Variants in C3orf49 observed in about 807,000 individuals in gnomAD.
C3orf49 encodes putative uncharacterized protein C3orf49.
A neutral mutation model predicts 13.3 loss-of-function variants in C3orf49; 27 were observed. The observed-to-expected ratio is 2.02, with a 90% CI of 1.49 to 2.79. The LOEUF is 2.79. Ranked by LOEUF, C3orf49 falls within the 30% of genes most tolerant of loss-of-function variation. The pLI is 0.00. For missense variants in C3orf49, 242 were observed against 134.2 expected (o/e 1.80, Z -3.97); for synonymous variants, 87 against 47.6 (o/e 1.83, Z -3.40).
At chr3:63,835,486 A>C (rs1288031658) in intron 5 of C3orf49, 1 of 1,122,920 alleles carries the variant, frequency 8.9e-7, no homozygotes, top group Non-Finnish European at 1.3e-6. Context: ...GATTTTTAAA[A>C]TAAAAAAAGG....
chr3:63,831,822 T>A lies in C3orf49; in HGVS notation c.827T>A (p.Met276Lys), dbSNP rs964761583. 1.4e-6 allele frequency: 1 copy of A among 698,100 alleles called. No individual in the cohort carries two copies. Among genetic ancestry groups the A allele is most frequent in the Non-Finnish European group, 2.6e-6 (1 of 383,878 alleles). 43.2% of individuals were successfully genotyped at this position (698,100 alleles called of 1,614,324 possible). A position where few individuals can be genotyped will look rare whatever the true frequency, so the allele number is the denominator to read the frequency against. The part of the protein sequence containing the change: ...KQFQRISKRT[M>K]RKYKLKNMTT... ...TTCCAGAGGATATCCAAGAGAACCATGAGGAAGTATAAATTAAAAAATGTG... is the reference window on the plus strand; with the variant it reads ...TTCCAGAGGATATCCAAGAGAACCAAGAGGAAGTATAAATTAAAAAATGTG... The change falls in exon 5 of 7, where the codon ATG becomes AAG. Residue 276 changes from methionine to lysine, a missense_variant. Transcript: ENST00000295896.
At chr3:63,781,713 G>C in the C3orf49 span, among the ~76,000 whole-genome samples, 1 of 152,140 alleles carries the variant, frequency 6.6e-6, no homozygotes, top group Non-Finnish European at 1.5e-5. Flanking sequence ...TACACCTTAT[G>C]GTGGCAGAAG....
At chr3:63,826,690 T>C (rs1701467622) in intron 2 of C3orf49, 1 of 152,192 alleles carries the variant, frequency 6.6e-6, no homozygotes, top group African/African-American at 2.4e-5. Flanking sequence ...TGATTTTAGG[T>C]GTGCACACTG....
the C3orf49 span, among the ~76,000 whole-genome samples, chr3:63,785,777 G>A: frequency 6.6e-6 from 1 of 151,960 alleles, no homozygotes; most frequent in East Asian, 1.9e-4. Context: ...GCAGAGAGGA[G>A]CCCCAACAGC....
chr3:63,836,374 ATATT>A, intron 5 of C3orf49: 1 of 1,610,512 alleles, frequency 6.2e-7, no homozygotes, highest in Non-Finnish European at 8.5e-7. Flanking sequence ...AGACATAAAA[ATATT>A]TATCAAACTA....
At chr3:63,832,597 G>T (rs909237295) in intron 5 of C3orf49, among the ~76,000 whole-genome samples, 2 of 152,086 alleles carry the variant, frequency 1.3e-5, no homozygotes, top group Non-Finnish European at 1.5e-5. Context: ...GGGAGGTCAA[G>T]GCTACAGTGA....
the C3orf49 span, among the ~76,000 whole-genome samples, chr3:63,801,486 CAAAT>C: frequency 1.6e-3 from 243 of 152,126 alleles, 1 homozygote; most frequent in Non-Finnish European, 2.8e-3. Context: ...AATAATCACA[CAAAT>C]AAGATAATTT....
chr3:63,812,535 T>C, the C3orf49 span, among the ~76,000 whole-genome samples: 2 of 152,206 alleles, frequency 1.3e-5, no homozygotes, highest in Non-Finnish European at 2.9e-5. Context: ...TTTCTTACAT[T>C]TCATTAGATC....
upstream of C3orf49, among the ~76,000 whole-genome samples, chr3:63,818,163 T>C (rs1262174806): frequency 2.0e-5 from 3 of 152,168 alleles, no homozygotes; most frequent in South Asian, 2.1e-4. Flanking sequence ...TCTCATTCCC[T>C]GCTGAAGCGG....
In C3orf49 at chr3:63,844,968, CATAA is replaced by C. The variant is rs1701854902; in HGVS notation, c.850-49_850-46del. 9 of 649,736 alleles carry C rather than the reference CATAA, an allele frequency of 1.4e-5. No individual in the cohort carries two copies. The South Asian group carries it at 1.5e-4, about 11-fold the overall frequency. 40.2% of individuals were successfully genotyped at this position (649,736 alleles called of 1,614,324 possible). On this transcript the variant is annotated intron_variant, in intron 5 of 6. Coordinates refer to ENST00000295896, the MANE Select transcript of C3orf49 (RefSeq NM_001355236.2). ...GGCAAGTGTTGCCCAAGTCTAGAAT[CATAA>C]ATAAAGACAATTGAGATCTTTACAT...
chr3:63,831,419 G>C (rs577600448), intron 4 of C3orf49, among the ~76,000 whole-genome samples, 196 bp downstream of exon 4: 1 of 152,282 alleles, frequency 6.6e-6, no homozygotes, highest in African/African-American at 2.4e-5. Context: ...CTGTGTACCT[G>C]ATAAATGTTA....
chr3:63,809,896 C>T, the C3orf49 span, among the ~76,000 whole-genome samples: 1 of 152,072 alleles, frequency 6.6e-6, no homozygotes, highest in African/African-American at 2.4e-5. Flanking sequence ...GCCTGTAATA[C>T]CAGCACTTTG....
rs766236045 is a variant in C3orf49, at chr3:63,831,752, C to A, written c.757C>A (p.Gln253Lys). The A allele has an allele frequency of 1.4e-6, 1 of 702,952 alleles. No homozygotes were observed. The highest frequency in any genetic ancestry group is 1.7e-5 in the African/African-American group (1 of 57,244). 43.5% of individuals were successfully genotyped at this position (702,952 alleles called of 1,614,324 possible). ...LLAQRHAELQ[Q>K]CEFLGDEILQ... The stretch of plus-strand genomic sequence containing the variant: ...GGCCCAAAGACATGCTGAGCTTCAA[C>A]AGTGTGAGTTTCTGGGGGATGAAAT... Residue 253 changes from glutamine to lysine, a missense_variant, in exon 5 of 7, where the codon CAG (glutamine) becomes AAG (lysine). Gln to Lys is a moderately conservative substitution (Grantham distance 53). Coordinates refer to ENST00000295896, the MANE Select transcript of C3orf49 (RefSeq NM_001355236.2).
At position 63,848,055 on chromosome 3, in the gene C3orf49, T is replaced by C. The variant is rs140730990; in HGVS notation, c.*31-309T>C. Among the ~76,000 whole-genome samples the C allele has an allele frequency of 2.1e-4, 32 of 152,306 alleles. No homozygotes were observed. In the East Asian group the frequency reaches 5.8e-3, roughly 28 times the overall value. ...AAACAGACTCTTTGTACCAATAAGATACATCACATGACAGCAGACATTGAA... is the reference window on the plus strand; with the variant it reads ...AAACAGACTCTTTGTACCAATAAGACACATCACATGACAGCAGACATTGAA... On this transcript the variant is annotated intron_variant, in intron 6 of 6. Coordinates refer to ENST00000295896, the MANE Select transcript of C3orf49 (RefSeq NM_001355236.2).
At chr3:63,838,652 T>C (rs1701686212) in intron 5 of C3orf49, among the ~76,000 whole-genome samples, 1 of 152,228 alleles carries the variant, frequency 6.6e-6, no homozygotes, top group African/African-American at 2.4e-5. Flanking sequence ...TCCCTTAAGT[T>C]TTCTTTTTAT....
At chr3:63,844,990 C>A (rs1041768794) in intron 5 of C3orf49, 33 bp from the exon 6 acceptor site, 1 of 683,726 alleles carries the variant, frequency 1.5e-6, no homozygotes, top group East Asian at 2.7e-5. Context: ...CAATTGAGAT[C>A]TTTACATTTG....
chr3:63,812,137 A>T, the C3orf49 span, among the ~76,000 whole-genome samples: 1 of 152,084 alleles, frequency 6.6e-6, no homozygotes, highest in African/African-American at 2.4e-5. Flanking sequence ...TGAAATGGAA[A>T]TTTTTATGTG....
chr3:63,847,819 A>AC (rs1301329306), intron 6 of C3orf49, among the ~76,000 whole-genome samples: 2 of 152,244 alleles, frequency 1.3e-5, no homozygotes, highest in Non-Finnish European at 2.9e-5. Flanking sequence ...TAATGAAGAA[A>AC]CTGTAAACCA....
intron 2 of C3orf49, 104 bp from the exon 3 acceptor site, chr3:63,827,497 G>A (rs1701478719): frequency 1.8e-6 from 1 of 571,042 alleles, no homozygotes; most frequent in Non-Finnish European, 3.1e-6. Context: ...AAAAGCCACT[G>A]AAGCAGCAAG....
Sources: allele counts gnomAD v4.1 joint callset (sites outside exome capture counted in the v4.1 genomes callset), GRCh38; gene constraint gnomAD v4.1.1; transcripts MANE v1.5; gene names NCBI Gene and HGNC (gene_info 2026-07-23, HGNC 2026-07-21).